Variants in ACO2 observed in about 807,000 individuals in gnomAD.
ACO2 encodes aconitate hydratase, mitochondrial.
Under a neutral mutation model 84.5 loss-of-function variants are expected in ACO2, and 31 were observed. The observed-to-expected ratio is 0.37, with a 90% CI of 0.28 to 0.50. The LOEUF (loss-of-function observed/expected upper bound fraction) is 0.50, where lower values mean the gene tolerates loss of function less well. Ranked by LOEUF, ACO2 falls within the 20% of genes least tolerant of loss-of-function variation. ACO2 has a pLI of 0.97. For missense variants in ACO2, 685 were observed against 1,029.3 expected (o/e 0.67, Z 4.58); for synonymous variants, 414 against 412.7 (o/e 1.00, Z -0.04).
chr22:41,525,570 C>T (rs374797591), intron 14 of ACO2, among the ~76,000 whole-genome samples: 4 of 152,204 alleles, frequency 2.6e-5, no homozygotes, highest in East Asian at 1.9e-4. Context: ...GGCCAGCCTC[C>T]GTCTGGGGCC....
At chr22:41,502,654 G>T (rs947015474) in intron 2 of ACO2, among the ~76,000 whole-genome samples, 1 of 152,176 alleles carries the variant, frequency 6.6e-6, no homozygotes, top group African/African-American at 2.4e-5. Flanking sequence ...TGTCACCCAG[G>T]CTGGAGTGCA....
rs375838727 is a variant in ACO2 at position 41,523,168 on chromosome 22, C to T, written c.1297-37C>T. 1.1e-4 allele frequency: 175 copies of T among 1,589,182 alleles called. 1 individual carries two copies. The highest frequency in any genetic ancestry group is 1.5e-4 in the Non-Finnish European group (170 of 1,162,336). ...TCACCCCTTCCCATCAGACTCTCAC[C>T]CACCCTTGACATTCTGTCTTCCTCT... On this transcript the variant is annotated intron_variant, in intron 10 of 17. Coordinates refer to ENST00000216254, the MANE Select transcript of ACO2 (RefSeq NM_001098.3).
intron 1 of ACO2, 108 bp downstream of exon 1, chr22:41,469,290 T>G: frequency 7.4e-7 from 1 of 1,359,372 alleles, no homozygotes; most frequent in Non-Finnish European, 1.0e-6. Context: ...GGCCAACTTC[T>G]CGTGTACCTG....
At chr22:41,521,052 A>G (rs1365536050) in intron 9 of ACO2, among the ~76,000 whole-genome samples, 12 of 151,272 alleles carry the variant, frequency 7.9e-5, no homozygotes, top group Middle Eastern at 3.4e-3. Flanking sequence ...AAAAAAAAAA[A>G]AAAAAAAGAA....
chr22:41,491,739 C>T (rs1407001096), intron 1 of ACO2, among the ~76,000 whole-genome samples: 1 of 152,118 alleles, frequency 6.6e-6, no homozygotes, highest in African/African-American at 2.4e-5. Context: ...GGCCATATGC[C>T]AAGCACTTTA....
chr22:41,499,687 G>C, intron 1 of ACO2, 39 bp from the exon 2 acceptor site: 2 of 1,603,850 alleles, frequency 1.2e-6, no homozygotes, highest in Non-Finnish European at 8.5e-7. Flanking sequence ...ACTCTCCTAA[G>C]TGCTCCATTG....
chr22:41,496,650 T>C (rs550332474), intron 1 of ACO2, among the ~76,000 whole-genome samples: 18 of 152,286 alleles, frequency 1.2e-4, no homozygotes, highest in Admixed American at 5.9e-4. Flanking sequence ...ACCTTCTTCC[T>C]ATGCACACGC....
chr22:41,499,956 T>G, intron 2 of ACO2, 94 bp downstream of exon 2: 3 of 1,493,676 alleles, frequency 2.0e-6, no homozygotes, highest in Non-Finnish European at 2.8e-6. Flanking sequence ...GAAGGATGCT[T>G]GGTGATAGTG....
At chr22:41,511,002 T>C (rs1487776944) in intron 3 of ACO2, among the ~76,000 whole-genome samples, 1 of 152,118 alleles carries the variant, frequency 6.6e-6, no homozygotes, top group Non-Finnish European at 1.5e-5. Context: ...AAAAAAAGCC[T>C]CTGGGGTTTT....
Position 41,524,846 on chromosome 22 carries a change from A to C in ACO2, c.1483A>C (p.Ile495Leu). ...AACAAACTGGCCACCTCCATTTCAGATTGTCACAGCCCTGGCCATTGCGGG... is the reference window on the plus strand; with the variant it reads ...AACAAACTGGCCACCTCCATTTCAGCTTGTCACAGCCCTGGCCATTGCGGG... ...ETHAFVTSPE[I>L]VTALAIAGTL... The change falls in exon 13 of 18, where the codon ATT becomes CTT. Residue 495 changes from isoleucine (I) to leucine (L), a missense_variant and splice_region_variant. Ile to Leu is a conservative substitution (Grantham distance 5). This residue lies in a region of ACO2 where 311 missense variants were observed against 441.6 expected (regional missense o/e 0.70). Coordinates refer to ENST00000216254, the MANE Select transcript of ACO2 (RefSeq NM_001098.3). 6.2e-7 allele frequency: 1 copy of C among 1,614,070 alleles called. No homozygotes were observed. The highest frequency in any genetic ancestry group is 2.2e-5 in the East Asian group (1 of 44,864).
intron 1 of ACO2, among the ~76,000 whole-genome samples, chr22:41,478,459 A>G (rs1601879631): frequency 1.3e-5 from 2 of 152,226 alleles, no homozygotes; most frequent in African/African-American, 4.8e-5. Flanking sequence ...AACCCTTTCA[A>G]TACTGTTTTA....
At chr22:41,478,127 G>A (rs1274526780) in intron 1 of ACO2, among the ~76,000 whole-genome samples, 1 of 152,046 alleles carries the variant, frequency 6.6e-6, no homozygotes, top group Non-Finnish European at 1.5e-5. Flanking sequence ...CCAGATAGCA[G>A]GTAAGTGGTA....
intron 2 of ACO2, among the ~76,000 whole-genome samples, chr22:41,501,505 TTCA>T (rs753327661): frequency 3.3e-4 from 51 of 152,330 alleles, no homozygotes; most frequent in Admixed American, 5.9e-4. Flanking sequence ...CACCTTGCTC[TTCA>T]TCAGGCATGA....
At chr22:41,520,347 C>T in intron 9 of ACO2, 71 bp downstream of exon 9, 2 of 1,224,602 alleles carry the variant, frequency 1.6e-6, no homozygotes, top group Non-Finnish European at 2.4e-6. Context: ...TGTAGACAAT[C>T]ACCTATGCCT....
intron 9 of ACO2, 30 bp from the exon 10 acceptor site, chr22:41,522,800 C>T (rs1264600978): frequency 6.2e-7 from 1 of 1,612,306 alleles, no homozygotes; most frequent in Admixed American, 1.7e-5. Flanking sequence ...CTCCTCCTGA[C>T]CCTTAACCCC....
intron 8 of ACO2, 152 bp from the exon 9 acceptor site, chr22:41,520,019 C>T: frequency 1.5e-6 from 1 of 645,386 alleles, no homozygotes; most frequent in Non-Finnish European, 2.7e-6. Flanking sequence ...TGTGCAGAGC[C>T]AACTGCTCAG....
chr22:41,481,433 G>C lies in ACO2; in HGVS notation c.36+12251G>C, dbSNP rs549980848. On this transcript the variant is annotated intron_variant, in intron 1 of 17. Coordinates refer to ENST00000216254, the MANE Select transcript of ACO2 (RefSeq NM_001098.3). ...TTGCTCTGTATGCTGGGGCTCACTGGTACATGGCTCCCCAACAAGCAGTGC... is the reference window on the plus strand; with the variant it reads ...TTGCTCTGTATGCTGGGGCTCACTGCTACATGGCTCCCCAACAAGCAGTGC... 2.0e-5 allele frequency among the ~76,000 whole-genome samples: 3 copies of C among 152,324 alleles called. No individual in the cohort carries two copies. In the East Asian group the frequency reaches 5.8e-4, roughly 29 times the overall value.
rs544453193 is a variant in ACO2, at chr22:41,498,541, C to T, written c.37-1185C>T. Among the ~76,000 whole-genome samples the T allele has an allele frequency of 3.9e-4, 59 of 152,210 alleles. 2 individuals are homozygous for T. Among genetic ancestry groups the T allele is most frequent in the Admixed American group, 3.3e-3 (50 of 15,278 alleles). Reference sequence around the variant, plus strand: ...GGGCTAGCCATCTGACGGGTTGAACCGGGGCTGGAGCATTCGCTTGCAAGA... The same window carrying T: ...GGGCTAGCCATCTGACGGGTTGAACTGGGGCTGGAGCATTCGCTTGCAAGA... On this transcript the variant is annotated intron_variant, in intron 1 of 17. Transcript: ENST00000216254.
chr22:41,527,545 G>C, intron 16 of ACO2, 125 bp downstream of exon 16: 1 of 1,338,822 alleles, frequency 7.5e-7, no homozygotes, highest in Non-Finnish European at 1.0e-6. Context: ...AGGCCCGTCA[G>C]CCTCTTGCCC....
Sources: gnomAD v4.1 joint callset for allele counts (sites outside exome capture counted in the v4.1 genomes callset) on GRCh38, gnomAD v4.1.1 for gene constraint, gnomAD v4.1.1 regional missense constraint, MANE v1.5 for transcripts, NCBI Gene and HGNC (gene_info 2026-07-23, HGNC 2026-07-21) for gene names.